The following CALN1 variants were observed in gnomAD, a reference collection of about 807,000 sequenced individuals.
The protein encoded by CALN1 is calcium-binding protein 8.
In CALN1, 17 loss-of-function variants were observed where a neutral mutation model predicts 30.6. The ratio of observed to expected loss-of-function variants is 0.56; its 90% CI spans 0.38 to 0.83. The LOEUF (loss-of-function observed/expected upper bound fraction) is 0.83, where lower values mean the gene tolerates loss of function less well. Among genes scored for constraint, CALN1 ranks in the 40% least tolerant of loss-of-function variants. CALN1 has a pLI of 0.00. For missense variants in CALN1, 291 were observed against 354.9 expected, an observed-to-expected ratio of 0.82 and a Z score of 1.45; for synonymous variants, 156 against 131.4, an observed-to-expected ratio of 1.19 and a Z score of -1.28.
intron 3 of CALN1, among the ~76,000 whole-genome samples, chr7:72,162,293 G>C (rs1352822207): frequency 6.6e-6 from 1 of 152,078 alleles, no homozygotes; most frequent in Non-Finnish European, 1.5e-5. Context: ...AGTAATGGCA[G>C]AGTAGCTCTT....
intron 2 of CALN1, among the ~76,000 whole-genome samples, chr7:72,367,172 G>A (rs890683550): frequency 2.6e-5 from 4 of 152,122 alleles, no homozygotes; most frequent in African/African-American, 9.7e-5. Flanking sequence ...AACTTGGGTT[G>A]GTGGAAGCAG....
intron 4 of CALN1, among the ~76,000 whole-genome samples, chr7:72,093,266 T>C (rs946429935): frequency 1.3e-5 from 2 of 152,218 alleles, no homozygotes; most frequent in African/African-American, 4.8e-5. Flanking sequence ...TTCCTTTTGG[T>C]AAACCCTGCC....
intron 4 of CALN1, among the ~76,000 whole-genome samples, chr7:72,053,407 C>G (rs1802966855): frequency 6.6e-6 from 1 of 152,190 alleles, no homozygotes; most frequent in South Asian, 2.1e-4. Context: ...CACAGAACAA[C>G]AACTCAGAGC....
At chr7:72,079,859 C>T (rs149345564) in intron 4 of CALN1, among the ~76,000 whole-genome samples, 1 of 149,756 alleles carries the variant, frequency 6.7e-6, no homozygotes, top group East Asian at 2.0e-4. Flanking sequence ...CAGCCTCCAC[C>T]TCCTGGGTTC....
At chr7:71,846,767 C>T (rs13241250) in intron 5 of CALN1, among the ~76,000 whole-genome samples, 7,144 of 145,534 alleles carry the variant, frequency 0.049, 598 homozygotes, top group African/African-American at 0.17. Flanking sequence ...TGTATATACA[C>T]GTATATAAAT....
chr7:72,184,039 C>A (rs1156902142), intron 3 of CALN1, among the ~76,000 whole-genome samples: 1 of 152,126 alleles, frequency 6.6e-6, no homozygotes, highest in Non-Finnish European at 1.5e-5. Flanking sequence ...GGGCATCCCA[C>A]CTTCTCCAAG....
chr7:72,238,007 A>G (rs1794585952), intron 3 of CALN1, among the ~76,000 whole-genome samples: 1 of 152,216 alleles, frequency 6.6e-6, no homozygotes. Context: ...CCAAAAACAG[A>G]GGTGGCATTC....
At chr7:71,812,600 A>T (rs1788019272) in intron 5 of CALN1, among the ~76,000 whole-genome samples, 1 of 152,172 alleles carries the variant, frequency 6.6e-6, no homozygotes, top group Non-Finnish European at 1.5e-5. Context: ...TCAGGAAAGA[A>T]CTGGTTGATT....
At chr7:72,414,067 C>T (rs370678890), upstream of CALN1, among the ~76,000 whole-genome samples, 1 of 152,136 alleles carries the variant, frequency 6.6e-6, no homozygotes, top group East Asian at 1.9e-4. Flanking sequence ...TAATTACCCA[C>T]TAATACCGTA....
intron 4 of CALN1, among the ~76,000 whole-genome samples, chr7:72,059,857 C>G (rs369872590): frequency 2.6e-5 from 4 of 152,282 alleles, no homozygotes; most frequent in African/African-American, 9.6e-5. Flanking sequence ...AAGCAACACT[C>G]TACCCTGCTT....
intron 5 of CALN1, among the ~76,000 whole-genome samples, chr7:72,014,085 CTTT>C (rs71092941): frequency 8.1e-6 from 1 of 123,390 alleles, no homozygotes; most frequent in African/African-American, 3.0e-5. Context: ...TGAGTTGGCT[CTTT>C]TTTTTTTTTT....
intron 3 of CALN1, among the ~76,000 whole-genome samples, chr7:72,264,853 A>G (rs1244146683): frequency 6.6e-6 from 1 of 152,038 alleles, no homozygotes; most frequent in African/African-American, 2.4e-5. Context: ...CCACCATCTG[A>G]TAGGCCCCAG....
intron 2 of CALN1, among the ~76,000 whole-genome samples, chr7:72,349,282 T>TTGTGTGTGTGTGTGTGTG (rs3032183): frequency 2.7e-5 from 4 of 147,754 alleles, no homozygotes; most frequent in African/African-American, 1.0e-4. Context: ...ACACGCGTGC[T>TTGTGTGTGTGTGTGTGTG]TGTGTGTGTG....
At chr7:72,030,265 G>T (rs1261593514) in intron 4 of CALN1, among the ~76,000 whole-genome samples, 1 of 152,154 alleles carries the variant, frequency 6.6e-6, no homozygotes, top group African/African-American at 2.4e-5. Flanking sequence ...CCAGGCCCAT[G>T]GTTGGAGGAA....
the CALN1 span, among the ~76,000 whole-genome samples, chr7:72,452,194 T>C: frequency 1.5e-3 from 223 of 152,270 alleles, 3 homozygotes; most frequent in Non-Finnish European, 2.8e-4. Context: ...GGGAGGTTAT[T>C]AGAGAACTGG....
At position 71,907,239 on chromosome 7, in the gene CALN1, A is replaced by AACACACAC. The variant is rs71531773; in HGVS notation, c.502-96755_502-96748dup. 9.1e-3 allele frequency among the ~76,000 whole-genome samples: 1,345 copies of AACACACAC among 147,830 alleles called. 15 individuals carry two copies. Among genetic ancestry groups the AACACACAC allele is most frequent in the East Asian group, 0.03 (149 of 5,014 alleles). ...TACTTTTAAACAGAAATGAGGTTTA[A>AACACACAC]ACACACACACACACACACACACACA... On this transcript the variant is annotated intron_variant, in intron 5 of 6. Transcript: ENST00000395275.
chr7:71,964,415 A>G (rs934446440), intron 5 of CALN1, among the ~76,000 whole-genome samples: 1 of 152,162 alleles, frequency 6.6e-6, no homozygotes, highest in Non-Finnish European at 1.5e-5. Context: ...AATGAGCTCA[A>G]TTAGACCCTC....
intron 5 of CALN1, among the ~76,000 whole-genome samples, chr7:71,861,150 T>C (rs1460384942): frequency 6.6e-6 from 1 of 150,480 alleles, no homozygotes; most frequent in Non-Finnish European, 1.5e-5. Flanking sequence ...TTTGCATGCA[T>C]AAAGCAAACT....
chr7:72,017,687 A>G (rs1005974279), intron 5 of CALN1, among the ~76,000 whole-genome samples: 2 of 152,184 alleles, frequency 1.3e-5, no homozygotes, highest in Non-Finnish European at 2.9e-5. Context: ...GCACCATCCA[A>G]TGAGCAGATC....
Sources: gnomAD v4.1 joint callset for allele counts (sites outside exome capture counted in the v4.1 genomes callset) on GRCh38, gnomAD v4.1.1 for gene constraint, MANE v1.5 for transcripts, NCBI Gene and HGNC (gene_info 2026-07-23, HGNC 2026-07-21) for gene names.